The following CRYBG1 variants were observed in gnomAD, a reference collection of about 807,000 sequenced individuals.
CRYBG1 encodes crystallin beta-gamma domain containing 1.
A neutral mutation model predicts 189.2 loss-of-function variants in CRYBG1; 139 were observed. That is an observed-to-expected ratio of 0.73 (90% CI 0.64 to 0.85). The LOEUF (loss-of-function observed/expected upper bound fraction) is 0.85, where lower values mean the gene tolerates loss of function less well. Among genes scored for constraint, CRYBG1 ranks in the 40% least tolerant of loss-of-function variants. The pLI is 0.00. For synonymous variants in CRYBG1, 1,023 were observed against 1,017.1 expected, an observed-to-expected ratio of 1.01 and a Z score of -0.11; for missense variants, 2,611 against 2,675.8, an observed-to-expected ratio of 0.98 and a Z score of 0.53.
In CRYBG1 at chr6:106,544,603, G is replaced by A. The variant is rs1774218810; in HGVS notation, c.5072G>A (p.Gly1691Asp). Reference protein sequence around the residue: ...WVAYEKPGFTGHQYLLEEGEY... With the variant: ...WVAYEKPGFTDHQYLLEEGEY... ...GCATATGAGAAACCTGGATTTACCGGTCATCAGTATTTGCTAGAAGAAGGA... is the reference window on the plus strand; with the variant it reads ...GCATATGAGAAACCTGGATTTACCGATCATCAGTATTTGCTAGAAGAAGGA... Residue 1691 changes from glycine to aspartate, a missense_variant, in exon 12 of 22, where the codon GGT becomes GAT. Gly to Asp is a moderately conservative substitution (Grantham distance 94, BLOSUM62 -1). Around this residue, in one of 3 missense-constraint regions of CRYBG1, gnomAD observed 1,622 missense variants for 1,735.0 expected, o/e 0.93. Coordinates refer to ENST00000633556, the MANE Select transcript of CRYBG1 (RefSeq NM_001371242.2). The A allele has an allele frequency of 1.2e-6, 2 of 1,613,938 alleles. No individual in the cohort carries two copies. The highest frequency in any genetic ancestry group is 1.7e-6 in the Non-Finnish European group (2 of 1,179,862).
intron 2 of CRYBG1, among the ~76,000 whole-genome samples, chr6:106,455,933 A>G (rs761579246): frequency 6.6e-6 from 1 of 152,116 alleles, no homozygotes; most frequent in Non-Finnish European, 1.5e-5. Flanking sequence ...AGTAACTCTA[A>G]TCTATAGACT....
rs776143633 is a variant in CRYBG1 at position 106,361,021 on chromosome 6, C to A, written c.113C>A (p.Ala38Glu). Reference protein sequence around the residue: ...LWRSKKKQQPAPPDCGVFVPH... With the variant: ...LWRSKKKQQPEPPDCGVFVPH... ...CGCTCCAAAAAGAAGCAGCAGCCGG[C>A]GCCGCCTGACTGTGGGGTGTTCGTT... The change falls in exon 1 of 22, where the codon GCG (alanine) becomes GAG (glutamate). Residue 38 changes from alanine to glutamate, a missense_variant. This residue lies in a region of CRYBG1 where 985 missense variants were observed against 924.4 expected (regional missense o/e 1.07). Coordinates refer to ENST00000633556, the MANE Select transcript of CRYBG1 (RefSeq NM_001371242.2). 1 of 1,535,220 alleles carries A rather than the reference C, an allele frequency of 6.5e-7. No individual in the cohort carries two copies. The highest frequency in any genetic ancestry group is 8.7e-7 in the Non-Finnish European group (1 of 1,146,606).
intron 2 of CRYBG1, among the ~76,000 whole-genome samples, chr6:106,489,130 G>C (rs1438372906): frequency 6.6e-6 from 1 of 152,168 alleles, no homozygotes; most frequent in Admixed American, 6.5e-5. Flanking sequence ...GCTCTGACCT[G>C]ATCCCAGCAA....
At chr6:106,539,278 C>T in intron 8 of CRYBG1, 125 bp from the exon 9 acceptor site, 2 of 1,091,492 alleles carry the variant, frequency 1.8e-6, no homozygotes, top group South Asian at 1.6e-5. Flanking sequence ...TGAGTCCAAC[C>T]ATTCATTATG....
intron 2 of CRYBG1, among the ~76,000 whole-genome samples, chr6:106,462,416 C>T (rs561914466): frequency 1.0e-3 from 157 of 152,336 alleles, no homozygotes; most frequent in African/African-American, 3.4e-3. Flanking sequence ...ACCTCAGCCT[C>T]CCAAAGTGCT....
intron 2 of CRYBG1, among the ~76,000 whole-genome samples, chr6:106,478,972 A>C (rs955334480): frequency 2.0e-5 from 3 of 152,190 alleles, no homozygotes; most frequent in Non-Finnish European, 4.4e-5. Context: ...ACTGGTTCTG[A>C]GTGGAATTAT....
rs1292884209 is a variant in CRYBG1 at position 106,519,933 on chromosome 6, A to G, written c.2725A>G (p.Lys909Glu). The stretch of plus-strand genomic sequence containing the variant: ...TGATCTAAAAGTGTCAGAAAACCAT[A>G]AAGGATGTGTTTTGCCTGTGTCTCG... ...CTDLKVSENH[K>E]GCVLPVSRQN... Residue 909 changes from lysine to glutamate, a missense_variant, in exon 4 of 22, where the codon AAA (lysine) becomes GAA (glutamate). By Grantham distance (56) the Lys-to-Glu change is moderately conservative (BLOSUM62 1). Coordinates refer to ENST00000633556, the MANE Select transcript of CRYBG1 (RefSeq NM_001371242.2). 3.7e-6 allele frequency: 6 copies of G among 1,614,046 alleles called. No homozygotes were observed. Among genetic ancestry groups the G allele is most frequent in the Middle Eastern group, 1.6e-4 (1 of 6,084 alleles).
chr6:106,481,208 T>G, intron 2 of CRYBG1, among the ~76,000 whole-genome samples: 1 of 60,876 alleles, frequency 1.6e-5, no homozygotes, highest in East Asian at 2.4e-3. Context: ...TCTCTTGACC[T>G]CGTGATCCGC....
At chr6:106,474,943 C>T (rs4946757) in intron 2 of CRYBG1, among the ~76,000 whole-genome samples, 14,067 of 152,014 alleles carry the variant, frequency 0.093, 845 homozygotes, top group East Asian at 0.3. Context: ...CCTTTTGCCA[C>T]CAATGTTGGG....
At chr6:106,371,693 A>G (rs576339309) in intron 1 of CRYBG1, among the ~76,000 whole-genome samples, 4 of 152,358 alleles carry the variant, frequency 2.6e-5, no homozygotes, top group African/African-American at 9.6e-5. Flanking sequence ...ATACATGTTT[A>G]AACAAGCTTG....
chr6:106,380,098 T>G (rs2114317164), intron 1 of CRYBG1, among the ~76,000 whole-genome samples: 1 of 152,262 alleles, frequency 6.6e-6, no homozygotes, highest in East Asian at 1.9e-4. Context: ...TGCCCTGACT[T>G]GTGCAATTTC....
intron 8 of CRYBG1, among the ~76,000 whole-genome samples, chr6:106,533,672 G>A (rs927229548): frequency 6.6e-5 from 10 of 152,184 alleles, no homozygotes; most frequent in Admixed American, 5.9e-4. Context: ...TGGGGTATGA[G>A]GGGCCAAGAC....
intron 15 of CRYBG1, 90 bp downstream of exon 15, chr6:106,552,306 C>G: frequency 1.0e-6 from 1 of 1,002,192 alleles, no homozygotes; most frequent in Non-Finnish European, 1.4e-6. Flanking sequence ...ACATTTGGGG[C>G]CGGGTGTGGT....
At position 106,512,517 on chromosome 6, in the gene CRYBG1, T is replaced by A; in HGVS notation, c.1400T>A (p.Val467Glu). The change falls in exon 3 of 22, where the codon GTG (valine) becomes GAG (glutamate). Residue 467 changes from valine (V) to glutamate (E), a missense_variant. Physicochemically the swap from Val to Glu is moderately radical, Grantham distance 121. Coordinates refer to ENST00000633556, the MANE Select transcript of CRYBG1 (RefSeq NM_001371242.2). ...GATAACGCCTCGGCGGAAAAGAAAG[T>A]GAAATCTCCGCGGGCAGCCCTCGAC... ...ASDNASAEKK[V>E]KSPRAALDGG... 6.2e-7 allele frequency: 1 copy of A among 1,610,368 alleles called. No homozygotes were observed. Among genetic ancestry groups the A allele is most frequent in the Non-Finnish European group, 8.5e-7 (1 of 1,178,910 alleles).
intron 2 of CRYBG1, among the ~76,000 whole-genome samples, chr6:106,487,025 G>A (rs180811887): frequency 6.6e-6 from 1 of 152,026 alleles, no homozygotes; most frequent in East Asian, 1.9e-4. Context: ...GTGACTTGGT[G>A]GTTTTCTGTA....
chr6:106,505,925 C>T (rs140257215), intron 2 of CRYBG1, among the ~76,000 whole-genome samples: 5 of 151,638 alleles, frequency 3.3e-5, no homozygotes, highest in African/African-American at 7.3e-5. Context: ...GGGAATCACA[C>T]GTGTTTAAAA....
intron 2 of CRYBG1, among the ~76,000 whole-genome samples, chr6:106,481,202 T>C (rs1206366561): frequency 1.6e-5 from 1 of 61,326 alleles, no homozygotes; most frequent in South Asian, 4.1e-4. Context: ...TCTCGATCTC[T>C]TGACCTCGTG....
intron 18 of CRYBG1, 99 bp from the exon 19 acceptor site, chr6:106,560,697 AAGTATAT>A (rs1774692390): frequency 2.3e-6 from 3 of 1,289,640 alleles, no homozygotes; most frequent in Non-Finnish European, 3.1e-6. Flanking sequence ...TGTATGTTAA[AAGTATAT>A]AGTTCAGTCT....
rs375811192 is a variant in CRYBG1 at position 106,547,493 on chromosome 6, TGGA to T, written c.5312+2562_5312+2564del. The stretch of plus-strand genomic sequence containing the variant: ...GAAGACTTTGTGGAGGAGGTGGCAT[TGGA>T]GTTAGGCCTGTGGGATAGGATAGGA... On this transcript the variant is annotated intron_variant, in intron 13 of 21. Coordinates refer to ENST00000633556, the MANE Select transcript of CRYBG1 (RefSeq NM_001371242.2). Among the ~76,000 whole-genome samples, 20 of 152,260 alleles carry T rather than the reference TGGA, an allele frequency of 1.3e-4. No individual in the cohort carries two copies. In the East Asian group the frequency reaches 3.9e-3, roughly 29 times the overall value.
Sources: allele counts gnomAD v4.1 joint callset (sites outside exome capture counted in the v4.1 genomes callset), GRCh38; gene constraint gnomAD v4.1.1; regional missense constraint gnomAD v4.1.1; transcripts MANE v1.5; gene names NCBI Gene and HGNC (gene_info 2026-07-23, HGNC 2026-07-21).